The following KLHL7 variants were observed in gnomAD, a reference collection of about 807,000 sequenced individuals.
KLHL7 encodes the protein kelch-like protein 7.
KLHL7 carries 44 observed loss-of-function variants against 67.4 expected under a neutral mutation model. That is an observed-to-expected ratio of 0.65 (90% CI 0.51 to 0.84). The LOEUF is 0.84. Among genes scored for constraint, KLHL7 ranks in the 40% least tolerant of loss-of-function variants. The pLI, the probability that KLHL7 is intolerant of heterozygous loss-of-function variation, is 0.00. For synonymous variants in KLHL7, 252 were observed against 243.3 expected (o/e 1.04, Z -0.33); for missense variants, 362 against 718.1 (o/e 0.50, Z 5.67).
At chr7:23,144,058 T>A in intron 6 of KLHL7, 33 bp downstream of exon 6, 1 of 1,569,894 alleles carries the variant, frequency 6.4e-7, no homozygotes, top group South Asian at 1.1e-5. Flanking sequence ...TATAACCTGA[T>A]CATGTAGCCA....
intron 8 of KLHL7, among the ~76,000 whole-genome samples, chr7:23,166,726 T>C (rs1785013008): frequency 6.6e-6 from 1 of 152,194 alleles, no homozygotes; most frequent in Non-Finnish European, 1.5e-5. Context: ...AAAAGCATTC[T>C]TCACAGACTG....
chr7:23,137,066 C>T (rs371250329), intron 4 of KLHL7, among the ~76,000 whole-genome samples: 22 of 152,166 alleles, frequency 1.4e-4, no homozygotes, highest in African/African-American at 4.8e-4. Flanking sequence ...GGGCGGATCA[C>T]CTGAGGTCAG....
chr7:23,167,093 G>A (rs1263167472), intron 8 of KLHL7, among the ~76,000 whole-genome samples: 2 of 151,690 alleles, frequency 1.3e-5, no homozygotes, highest in African/African-American at 4.8e-5. Flanking sequence ...GGTGGGAGAT[G>A]AGAAATAGTT....
At chr7:23,158,265 C>G (rs1043968059) in intron 7 of KLHL7, among the ~76,000 whole-genome samples, 1 of 152,104 alleles carries the variant, frequency 6.6e-6, no homozygotes, top group African/African-American at 2.4e-5. Flanking sequence ...CCACAGCCAG[C>G]CTGGGGTGGG....
At chr7:23,164,598 T>TTGATCC (rs2307790) in intron 7 of KLHL7, among the ~76,000 whole-genome samples, 11,330 of 152,206 alleles carry the variant, frequency 0.074, 585 homozygotes, top group African/African-American at 0.14. Flanking sequence ...TACGGGGATA[T>TTGATCC]TAATTAGAGA....
chr7:23,144,370 T>C (rs1784288036), intron 6 of KLHL7, among the ~76,000 whole-genome samples: 2 of 152,342 alleles, frequency 1.3e-5, no homozygotes, highest in South Asian at 2.1e-4. Context: ...CAGTATTTTG[T>C]CTTTTTTGGC....
chr7:23,117,917 G>A (rs1263290387), intron 1 of KLHL7: 1 of 1,614,030 alleles, frequency 6.2e-7, no homozygotes, highest in Non-Finnish European at 8.5e-7. Context: ...TATCATGCTG[G>A]GAGGGACTGA....
chr7:23,106,582 C>CTT, intron 1 of KLHL7: 1 of 1,041,520 alleles, frequency 9.6e-7, no homozygotes, highest in African/African-American at 1.7e-5. Flanking sequence ...ATCAGCTGCT[C>CTT]TTAAATAAGG....
At chr7:23,164,751 C>A (rs1335461419) in intron 7 of KLHL7, among the ~76,000 whole-genome samples, 1 of 152,160 alleles carries the variant, frequency 6.6e-6, no homozygotes. Flanking sequence ...ATACTTTAAT[C>A]CAATGAATGC....
intron 9 of KLHL7, 66 bp downstream of exon 9, chr7:23,168,103 A>G (rs1246864197): frequency 5.4e-6 from 8 of 1,477,370 alleles, no homozygotes; most frequent in South Asian, 2.3e-5. Flanking sequence ...GGAGATGTCA[A>G]AAGACCAGAG....
At chr7:23,126,785 G>T (rs1783590446) in intron 4 of KLHL7, among the ~76,000 whole-genome samples, 1 of 152,212 alleles carries the variant, frequency 6.6e-6, no homozygotes, top group Non-Finnish European at 1.5e-5. Context: ...GAATAAAAAT[G>T]AGACTTAGCC....
intron 1 of KLHL7, among the ~76,000 whole-genome samples, chr7:23,115,715 T>G (rs1227452363): frequency 2.0e-5 from 3 of 152,034 alleles, no homozygotes; most frequent in Non-Finnish European, 4.4e-5. Flanking sequence ...CGGCTAATTT[T>G]TTGTATTTTA....
At chr7:23,124,474 AATTCACTCTTTTCTT>A (rs1423226164) in intron 2 of KLHL7, among the ~76,000 whole-genome samples, 199 bp from the exon 3 acceptor site, 13 of 152,212 alleles carry the variant, frequency 8.5e-5, no homozygotes, top group Non-Finnish European at 1.3e-4. Flanking sequence ...GAAGTACACT[AATTCACTCTTTTCTT>A]AGCTTAATTT....
intron 7 of KLHL7, among the ~76,000 whole-genome samples, chr7:23,154,891 C>A (rs1784652668): frequency 2.0e-5 from 3 of 152,198 alleles, no homozygotes; most frequent in South Asian, 2.1e-4. Context: ...CTCAGCAGTT[C>A]CTCCAAGGCA....
At chr7:23,161,236 A>G (rs192510529) in intron 7 of KLHL7, among the ~76,000 whole-genome samples, 2 of 152,330 alleles carry the variant, frequency 1.3e-5, no homozygotes, top group Admixed American at 6.5e-5. Flanking sequence ...CAGTCCTTAC[A>G]TTTTACAAAT....
intron 9 of KLHL7, chr7:23,172,319 G>T: frequency 2.7e-6 from 1 of 373,608 alleles, no homozygotes; most frequent in Non-Finnish European, 5.3e-6. Context: ...TATATTCTCA[G>T]TTTCATTATT....
chr7:23,116,467 A>C (rs1411854027), intron 1 of KLHL7, among the ~76,000 whole-genome samples: 1 of 152,212 alleles, frequency 6.6e-6, no homozygotes, highest in African/African-American at 2.4e-5. Flanking sequence ...TCTGTGGTAC[A>C]TCTGTTCTTT....
rs1237239452 is a variant in KLHL7 at position 23,108,369 on chromosome 7, C to G, written c.120+2223C>G. 2.6e-5 allele frequency among the ~76,000 whole-genome samples: 4 copies of G among 152,294 alleles called. No homozygotes were observed. In the East Asian group the frequency reaches 7.7e-4, roughly 29 times the overall value. On this transcript the variant is annotated intron_variant, in intron 1 of 10. Transcript: ENST00000339077. ...CCAGCAGCCTCGGCTTCTTCTAAAG[C>G]CTTTTCCTACATTGTTTTTGTCATT...
chr7:23,167,628 C>T (rs1191819268), intron 8 of KLHL7, among the ~76,000 whole-genome samples: 1 of 152,032 alleles, frequency 6.6e-6, no homozygotes, highest in Non-Finnish European at 1.5e-5. Flanking sequence ...CCAACAGATC[C>T]TTTTAAGGAT....
Sources: allele counts gnomAD v4.1 joint callset (sites outside exome capture counted in the v4.1 genomes callset), GRCh38; gene constraint gnomAD v4.1.1; transcripts MANE v1.5; gene names NCBI Gene and HGNC (gene_info 2026-07-23, HGNC 2026-07-21).